Variants in UNC13C observed in about 807,000 individuals in gnomAD.
The protein encoded by UNC13C is protein unc-13 homolog C.
UNC13C carries 174 observed loss-of-function variants against 245.4 expected under a neutral mutation model. The observed-to-expected ratio is 0.71, with a 90% CI of 0.63 to 0.80. UNC13C has a LOEUF of 0.80. Ranked by LOEUF, UNC13C falls within the 30% of genes least tolerant of loss-of-function variation. UNC13C has a pLI of 0.00. For missense variants in UNC13C, 2,829 were observed against 2,602.9 expected (o/e 1.09, Z -1.89); for synonymous variants, 992 against 895.1 (o/e 1.11, Z -1.93).
intron 18 of UNC13C, among the ~76,000 whole-genome samples, chr15:54,402,525 T>A (rs781545978): frequency 6.6e-6 from 1 of 152,112 alleles, no homozygotes; most frequent in Non-Finnish European, 1.5e-5. Context: ...GCTGAAAGAT[T>A]TTAACACAAC....
At chr15:54,408,144 A>G (rs7167368) in intron 18 of UNC13C, among the ~76,000 whole-genome samples, 142,691 of 146,382 alleles carry the variant, frequency 0.97, 69,593 homozygotes, top group Non-Finnish European at 0.99. Flanking sequence ...GAGTTGCAGT[A>G]AGCCGAGATG....
chr15:54,502,091 T>C (rs1894243573), intron 22 of UNC13C, among the ~76,000 whole-genome samples: 1 of 152,194 alleles, frequency 6.6e-6, no homozygotes, highest in Admixed American at 6.6e-5. Context: ...CTGGCTGATC[T>C]AAATATAAGT....
intron 30 of UNC13C, among the ~76,000 whole-genome samples, chr15:54,620,916 G>A (rs146365908): frequency 2.0e-5 from 3 of 152,106 alleles, no homozygotes; most frequent in African/African-American, 4.8e-5. Flanking sequence ...CCTGGTGTTG[G>A]GGGGAGGAAG....
At chr15:54,215,331 T>C (rs997604896) in intron 4 of UNC13C, among the ~76,000 whole-genome samples, 4 of 151,986 alleles carry the variant, frequency 2.6e-5, no homozygotes, top group Non-Finnish European at 5.9e-5. Flanking sequence ...TGTTTTTCTC[T>C]GAAAAATATT....
At chr15:54,601,210 T>A (rs1388801397) in intron 30 of UNC13C, among the ~76,000 whole-genome samples, 1 of 152,142 alleles carries the variant, frequency 6.6e-6, no homozygotes, top group East Asian at 1.9e-4. Flanking sequence ...ATAAGCTAAA[T>A]AAGCAACAAA....
At chr15:54,484,078 C>A (rs1318416732) in intron 19 of UNC13C, among the ~76,000 whole-genome samples, 1 of 62,140 alleles carries the variant, frequency 1.6e-5, no homozygotes, top group Non-Finnish European at 3.9e-5. Context: ...ACTCTGGCTT[C>A]CCTGAAAAAA....
intron 2 of UNC13C, among the ~76,000 whole-genome samples, chr15:54,035,551 C>T (rs1224546286): frequency 6.6e-6 from 1 of 152,062 alleles, no homozygotes; most frequent in Non-Finnish European, 1.5e-5. Context: ...TTTCACTGGC[C>T]TTCTTCTACT....
At chr15:54,572,209 A>C (rs115668963) in intron 30 of UNC13C, among the ~76,000 whole-genome samples, 1 of 152,058 alleles carries the variant, frequency 6.6e-6, no homozygotes, top group Non-Finnish European at 1.5e-5. Flanking sequence ...CTCCTTGAGG[A>C]CAAGTAAAAA....
rs71105808 is a variant in UNC13C, at chr15:54,408,199, C to CAAAAAAAAAAAAAAAA, written c.4848-6768_4848-6753dup. Reference sequence around the variant, plus strand: ...TGGGTGACAGAGTGAGACTCTGCCTCAAAAAAAAAAAAAAAAAAAAAAAAA... The same window carrying CAAAAAAAAAAAAAAAA: ...TGGGTGACAGAGTGAGACTCTGCCTCAAAAAAAAAAAAAAAAAAAAAAAAAAAAAAAAAAAAAAAAA... On this transcript the variant is annotated intron_variant, in intron 18 of 32. Coordinates refer to ENST00000260323, the MANE Select transcript of UNC13C (RefSeq NM_001080534.3). Among the ~76,000 whole-genome samples the CAAAAAAAAAAAAAAAA allele has an allele frequency of 8.9e-4, 26 of 29,126 alleles. 3 individuals carry two copies. The highest frequency in any genetic ancestry group is 1.6e-3 in the Admixed American group (3 of 1,836). The allele number at this position is 29,126 out of a possible 152,430, so 19.1% of individuals were successfully genotyped here.
At chr15:54,362,569 T>G (rs528076217) in intron 17 of UNC13C, among the ~76,000 whole-genome samples, 2 of 152,258 alleles carry the variant, frequency 1.3e-5, no homozygotes, top group East Asian at 3.9e-4. Flanking sequence ...CTTTTCTCAG[T>G]TTTTTTCCAT....
chr15:54,248,125 A>G lies in UNC13C; in HGVS notation c.3229-2100A>G, dbSNP rs1279225298. Among the ~76,000 whole-genome samples the G allele has an allele frequency of 2.6e-5, 4 of 152,150 alleles. No individual in the cohort carries two copies. The East Asian group carries it at 7.7e-4, about 29-fold the overall frequency. On this transcript the variant is annotated intron_variant, in intron 7 of 32. Transcript: ENST00000260323. Reference sequence around the variant, plus strand: ...TACTTTCTAAATTTATGTAAGGTACATTACTTACTTTTCTTCCTTTCATTA... The same window carrying G: ...TACTTTCTAAATTTATGTAAGGTACGTTACTTACTTTTCTTCCTTTCATTA...
chr15:53,943,646 GT>G, the UNC13C span, among the ~76,000 whole-genome samples: 5 of 151,858 alleles, frequency 3.3e-5, no homozygotes, highest in South Asian at 8.3e-4. Flanking sequence ...AACTTCCAGG[GT>G]TTTTTTCCCT....
chr15:54,601,598 A>C (rs1016068236), intron 30 of UNC13C, among the ~76,000 whole-genome samples: 10 of 152,210 alleles, frequency 6.6e-5, no homozygotes, highest in Non-Finnish European at 1.0e-4. Flanking sequence ...TGTCAGCAGG[A>C]AAAAGTATGC....
chr15:54,061,395 A>T (rs1897827821), intron 2 of UNC13C, among the ~76,000 whole-genome samples: 1 of 152,192 alleles, frequency 6.6e-6, no homozygotes, highest in Non-Finnish European at 1.5e-5. Flanking sequence ...AGTTGTGCAA[A>T]CAAAAGAAAC....
At chr15:53,853,001 CTT>C in the UNC13C span, among the ~76,000 whole-genome samples, 7 of 144,242 alleles carry the variant, frequency 4.9e-5, no homozygotes, top group Admixed American at 7.0e-5. Flanking sequence ...AAGGAAATAT[CTT>C]TTTTTTTTTT....
At chr15:54,050,326 A>G in intron 2 of UNC13C, 1 of 582,056 alleles carries the variant, frequency 1.7e-6, no homozygotes, top group Admixed American at 1.9e-5. Flanking sequence ...CATTTTCTGA[A>G]TCAGGACCCC....
chr15:54,607,826 G>A (rs1459460274), intron 30 of UNC13C, among the ~76,000 whole-genome samples: 1 of 152,146 alleles, frequency 6.6e-6, no homozygotes, highest in African/African-American at 2.4e-5. Context: ...AGGCAAGGGG[G>A]AAATTTGCTC....
At chr15:54,361,679 G>A (rs7342607) in intron 17 of UNC13C, among the ~76,000 whole-genome samples, 71,205 of 151,958 alleles carry the variant, frequency 0.47, 17,044 homozygotes, top group East Asian at 0.73. Flanking sequence ...CTTTGCTTCC[G>A]ATTCTGGGGA....
intron 2 of UNC13C, among the ~76,000 whole-genome samples, chr15:54,117,925 C>A (rs146382968): frequency 1.3e-5 from 2 of 152,028 alleles, no homozygotes; most frequent in Admixed American, 6.6e-5. Flanking sequence ...ATTATATGTT[C>A]TTGGCATCTT....
Sources: allele counts gnomAD v4.1 joint callset (sites outside exome capture counted in the v4.1 genomes callset), GRCh38; gene constraint gnomAD v4.1.1; transcripts MANE v1.5; gene names NCBI Gene and HGNC (gene_info 2026-07-23, HGNC 2026-07-21).